The following ABCC5 variants were observed in gnomAD, a reference collection of about 807,000 sequenced individuals.
ABCC5 encodes ATP-binding cassette sub-family C member 5.
ABCC5 carries 61 observed loss-of-function variants against 160.9 expected under a neutral mutation model. The observed-to-expected ratio is 0.38, with a 90% CI of 0.31 to 0.47. The LOEUF (loss-of-function observed/expected upper bound fraction) is 0.47, where lower values mean the gene tolerates loss of function less well. Ranked by LOEUF, ABCC5 falls within the 20% of genes least tolerant of loss-of-function variation. ABCC5 has a pLI of 0.99. For synonymous variants in ABCC5, 666 were observed against 700.6 expected (o/e 0.95, Z 0.78); for missense variants, 1,308 against 1,813.3 (o/e 0.72, Z 5.06).
intron 29 of ABCC5, among the ~76,000 whole-genome samples, chr3:183,924,608 G>C (rs1712342224): frequency 6.6e-6 from 1 of 152,242 alleles, no homozygotes; most frequent in Middle Eastern, 3.4e-3. Flanking sequence ...ATGCAAAAGA[G>C]GTATTTGTCT....
At chr3:183,979,854 C>T (rs1487088652) in intron 8 of ABCC5, among the ~76,000 whole-genome samples, 1 of 151,726 alleles carries the variant, frequency 6.6e-6, no homozygotes, top group Non-Finnish European at 1.5e-5. Context: ...AGACTAAAGG[C>T]ATGAGCCACC....
intron 17 of ABCC5, among the ~76,000 whole-genome samples, chr3:183,956,372 C>T (rs13097656): frequency 1.1e-5 from 1 of 87,012 alleles, no homozygotes; most frequent in Admixed American, 1.3e-4. Flanking sequence ...TTACATGCAG[C>T]TCCGTGTGTA....
chr3:183,975,632 C>G (rs183551733), intron 10 of ABCC5, among the ~76,000 whole-genome samples: 1 of 151,922 alleles, frequency 6.6e-6, no homozygotes, highest in African/African-American at 2.4e-5. Context: ...CGTGAGCCAC[C>G]AAGGCTGGCC....
chr3:183,957,741 C>CACGCGG lies in ABCC5; in HGVS notation c.2482+1991_2482+1992insCCGCGT, dbSNP rs1560006702. On this transcript the variant is annotated intron_variant, in intron 17 of 29. Transcript: ENST00000334444. ...ATCCGTGTGTACATCACATCGGTTA[C>CACGCGG]ATGCGGATCCGTGTGTATATCACAT... Among the ~76,000 whole-genome samples the CACGCGG allele has an allele frequency of 1.4e-3, 215 of 151,634 alleles. 3 individuals are homozygous for CACGCGG. The highest frequency in any genetic ancestry group is 4.7e-3 in the African/African-American group (193 of 41,362).
chr3:183,954,559 T>G (rs1366461421), intron 17 of ABCC5, among the ~76,000 whole-genome samples: 1 of 152,130 alleles, frequency 6.6e-6, no homozygotes, highest in African/African-American at 2.4e-5. Flanking sequence ...ACTGGGGTTG[T>G]GATGGTGGGA....
intron 11 of ABCC5, 78 bp downstream of exon 11, chr3:183,971,485 A>G (rs1487938882): frequency 2.2e-6 from 3 of 1,376,782 alleles, no homozygotes; most frequent in Non-Finnish European, 3.0e-6. Flanking sequence ...TGTGAAAAGG[A>G]ACAGCAGCCG....
rs1718805030 is a variant in ABCC5 at position 183,982,170 on chromosome 3, C to T, written c.999+281G>A. The stretch of plus-strand genomic sequence containing the variant: ...GCAGGAGGGCCCTATCACTTAGCAC[C>T]AACTCCAACGCAGTGACTCAAACAC... On this transcript the variant is annotated intron_variant, in intron 7 of 29. Transcript: ENST00000334444. The surrounding 1 kb of genome is among the most constrained non-coding windows in gnomAD (Gnocchi z 5.2). Among the ~76,000 whole-genome samples the T allele has an allele frequency of 6.6e-6, 1 of 151,910 alleles. No homozygotes were observed. The highest frequency in any genetic ancestry group is 2.1e-4 in the South Asian group (1 of 4,810).
chr3:184,000,621 G>A (rs1720672597), intron 2 of ABCC5: 1 of 152,108 alleles, frequency 6.6e-6, no homozygotes, highest in South Asian at 2.1e-4. Context: ...AAAAGAAAAT[G>A]CAATATGGAA....
chr3:184,002,626 T>C (rs1318827243), intron 2 of ABCC5, among the ~76,000 whole-genome samples: 1 of 152,184 alleles, frequency 6.6e-6, no homozygotes, highest in African/African-American at 2.4e-5. Context: ...TCACACCCCA[T>C]GGCCACCACT....
At chr3:183,983,367 G>T in intron 5 of ABCC5, 1 of 263,348 alleles carries the variant, frequency 3.8e-6, no homozygotes, top group Non-Finnish European at 7.4e-6. Context: ...TTGTTTACAT[G>T]AAATTAAGAC....
At chr3:183,948,739 G>T (rs1715070922) in intron 22 of ABCC5, among the ~76,000 whole-genome samples, 1 of 151,582 alleles carries the variant, frequency 6.6e-6, no homozygotes, top group South Asian at 2.1e-4. Flanking sequence ...TCTCGCTCTT[G>T]TCGCCCAAGC....
At chr3:183,984,732 G>T in intron 5 of ABCC5, 1 of 1,534,178 alleles carries the variant, frequency 6.5e-7, no homozygotes, top group Non-Finnish European at 8.7e-7. Flanking sequence ...TGGTTTACTA[G>T]CAAGAAGATT....
chr3:183,921,248 G>A lies in ABCC5; in HGVS notation c.*52C>T. Reference sequence around the variant, plus strand: ...AGGACGCGATGAGGGGCCCGCCCCAGGCAGGGAATGGCAATGCTCTAAAGA... The same window carrying A: ...AGGACGCGATGAGGGGCCCGCCCCAAGCAGGGAATGGCAATGCTCTAAAGA... On this transcript the variant is annotated 3_prime_UTR_variant, in exon 30 of 30. Transcript: ENST00000334444. The surrounding 1 kb of genome is among the most constrained non-coding windows in gnomAD (Gnocchi z 4.1). 1.8e-6 allele frequency: 2 copies of A among 1,100,394 alleles called. No homozygotes were observed. The highest frequency in any genetic ancestry group is 1.4e-6 in the Non-Finnish European group (1 of 737,726). 68.2% of individuals were successfully genotyped at this position (1,100,394 alleles called of 1,614,324 possible). A position where few individuals can be genotyped will look rare whatever the true frequency, so the allele number is the denominator to read the frequency against.
intron 5 of ABCC5, chr3:183,985,230 G>T: frequency 7.6e-7 from 1 of 1,316,396 alleles, no homozygotes. Flanking sequence ...TAAACAAACT[G>T]GAAGAAAACT....
intron 27 of ABCC5, chr3:183,927,935 T>C: frequency 1.8e-6 from 1 of 569,410 alleles, no homozygotes; most frequent in South Asian, 7.7e-5. Context: ...CAGGGGATCC[T>C]GGATCCTGAC....
chr3:183,984,529 A>T, intron 5 of ABCC5: 2 of 1,136,038 alleles, frequency 1.8e-6, no homozygotes, highest in Non-Finnish European at 2.2e-6. Context: ...TTTTCCTGAG[A>T]TTAAATTAAT....
chr3:183,947,626 A>C (rs1220078665), intron 22 of ABCC5, 116 bp from the exon 23 acceptor site: 3 of 845,656 alleles, frequency 3.5e-6, no homozygotes, highest in Non-Finnish European at 5.2e-6. Context: ...CCTGTTTCTA[A>C]CTGAGAGAAT....
chr3:184,014,467 A>G lies in ABCC5; in HGVS notation c.-55-20T>C. ...GAATTCCTGAAATTAAAAATTCATC[A>G]AGAAATAGATTATTTCCTAAACAGT... On this transcript the variant is annotated intron_variant, in intron 1 of 29. Coordinates refer to ENST00000334444, the MANE Select transcript of ABCC5 (RefSeq NM_005688.4). The G allele has an allele frequency of 6.6e-7, 1 of 1,509,998 alleles. No individual in the cohort carries two copies. The highest frequency in any genetic ancestry group is 8.9e-7 in the Non-Finnish European group (1 of 1,126,998). The allele number at this position is 1,509,998 out of a possible 1,614,324, so 93.5% of individuals were successfully genotyped here. A position where few individuals can be genotyped will look rare whatever the true frequency, so the allele number is the denominator to read the frequency against.
rs1271551934 is a variant in ABCC5 at position 183,987,862 on chromosome 3, G to A, written c.499C>T (p.Leu167=). The change falls in exon 5 of 30, where the codon CTG becomes TTG. Residue 167 remains leucine, a synonymous_variant. Transcript: ENST00000334444. The surrounding 1 kb of genome is among the most constrained non-coding windows in gnomAD (Gnocchi z 4.2). The part of the protein sequence containing the change: ...LNEVGPDAAS[L]RRVVWIFCRT... ...CAGAAGATCCACACAACCCTTCGCAGGGAAGCAGCGTCTGGCCCAACTTCA... is the reference window on the plus strand; with the variant it reads ...CAGAAGATCCACACAACCCTTCGCAAGGAAGCAGCGTCTGGCCCAACTTCA... 37 of 1,614,054 alleles carry A rather than the reference G, an allele frequency of 2.3e-5. No individual in the cohort carries two copies. The highest frequency in any genetic ancestry group is 3.1e-5 in the Non-Finnish European group (36 of 1,180,032).
Sources: allele counts gnomAD v4.1 joint callset (sites outside exome capture counted in the v4.1 genomes callset), GRCh38; gene constraint gnomAD v4.1.1; non-coding constraint Gnocchi (gnomAD v3.1); transcripts MANE v1.5; gene names NCBI Gene and HGNC (gene_info 2026-07-23, HGNC 2026-07-21).